Variants in SLC25A42 observed in about 807,000 individuals in gnomAD.
SLC25A42 encodes the protein mitochondrial coenzyme A transporter SLC25A42.
SLC25A42 carries 19 observed loss-of-function variants against 34.7 expected under a neutral mutation model. The ratio of observed to expected loss-of-function variants is 0.55; its 90% confidence interval spans 0.38 to 0.80. The LOEUF is 0.80. SLC25A42 is among the 30% of genes least tolerant of loss of function. The pLI is 0.00. For synonymous variants in SLC25A42, 205 were observed against 191.2 expected (o/e 1.07, Z -0.59); for missense variants, 364 against 441.3 (o/e 0.82, Z 1.57).
chr19:19,106,444 C>T, intron 6 of SLC25A42, 59 bp downstream of exon 6: 1 of 1,422,810 alleles, frequency 7.0e-7, no homozygotes, highest in African/African-American at 1.4e-5. Flanking sequence ...TCGGGGGCTC[C>T]CAGGTCGGAA....
chr19:19,106,505 C>A, intron 6 of SLC25A42, 120 bp downstream of exon 6: 1 of 705,586 alleles, frequency 1.4e-6, no homozygotes, highest in Non-Finnish European at 2.3e-6. Context: ...TCCGTGTCCA[C>A]AGGGCAGGCC....
chr19:19,099,564 G>A (rs755406373), intron 2 of SLC25A42, among the ~76,000 whole-genome samples: 1 of 151,920 alleles, frequency 6.6e-6, no homozygotes, highest in Non-Finnish European at 1.5e-5. Context: ...CCTTTACCCC[G>A]AGCCACACAC....
rs371691451 is a variant in SLC25A42 at position 19,101,770 on chromosome 19, T to C, written c.82-11T>C. 52 of 1,608,394 alleles carry C rather than the reference T, an allele frequency of 3.2e-5. No homozygotes were observed. Among genetic ancestry groups the C allele is most frequent in the Non-Finnish European group, 4.2e-5 (50 of 1,177,642 alleles). ...CTGCCCTCTGACCTCTGATCACATG[T>C]TCTGTTGCAGCGTGACCACAGGCAA... On this transcript the variant is annotated splice_polypyrimidine_tract_variant and intron_variant, in intron 2 of 7. Coordinates refer to ENST00000318596, the MANE Select transcript of SLC25A42 (RefSeq NM_178526.5).
At chr19:19,065,508 T>C (rs1159465773) in intron 1 of SLC25A42, among the ~76,000 whole-genome samples, 1 of 152,200 alleles carries the variant, frequency 6.6e-6, no homozygotes, top group Non-Finnish European at 1.5e-5. Context: ...AGTGGCTTTG[T>C]TGTTGAAAAG....
chr19:19,086,675 C>T (rs1411185549), intron 1 of SLC25A42, among the ~76,000 whole-genome samples: 1 of 151,992 alleles, frequency 6.6e-6, no homozygotes, highest in Non-Finnish European at 1.5e-5. Flanking sequence ...TAGTCTTGCT[C>T]TCTCACCCAG....
intron 1 of SLC25A42, among the ~76,000 whole-genome samples, chr19:19,069,943 A>T (rs190237114): frequency 6.6e-6 from 1 of 151,754 alleles, no homozygotes; most frequent in African/African-American, 2.4e-5. Context: ...CTCCTGCCTC[A>T]GCCTCCCGAG....
intron 3 of SLC25A42, among the ~76,000 whole-genome samples, chr19:19,103,917 T>TTTA (rs2059811992): frequency 1.1e-5 from 1 of 92,016 alleles, no homozygotes; most frequent in African/African-American, 3.6e-5. Flanking sequence ...TATTTATTTA[T>TTTA]TTATTTAGAG....
chr19:19,088,255 G>T (rs1190244172), intron 1 of SLC25A42, among the ~76,000 whole-genome samples: 2 of 148,340 alleles, frequency 1.3e-5, no homozygotes, highest in Admixed American at 1.4e-4. Context: ...ACCCAGGCTG[G>T]AGCGTAGTGG....
At chr19:19,106,440 G>A in intron 6 of SLC25A42, 55 bp downstream of exon 6, 1 of 1,453,558 alleles carries the variant, frequency 6.9e-7, no homozygotes, top group South Asian at 1.2e-5. Context: ...TGTCTCGGGG[G>A]CTCCCAGGTC....
intron 4 of SLC25A42, 43 bp from the exon 5 acceptor site, chr19:19,105,518 C>CAGGCAG: frequency 1.3e-6 from 2 of 1,586,830 alleles, no homozygotes; most frequent in East Asian, 2.3e-5. Flanking sequence ...GCAGGGAGGG[C>CAGGCAG]AGGCAGAGGC....
chr19:19,064,503 G>A (rs1008872611), intron 1 of SLC25A42, among the ~76,000 whole-genome samples: 1 of 128,348 alleles, frequency 7.8e-6, no homozygotes, highest in African/African-American at 3.0e-5. Flanking sequence ...CCTTGTCGAT[G>A]ACACCCCCAC....
intron 1 of SLC25A42, among the ~76,000 whole-genome samples, chr19:19,071,036 T>C (rs531977863): frequency 5.9e-5 from 9 of 151,414 alleles, no homozygotes; most frequent in African/African-American, 2.2e-4. Flanking sequence ...TTTCTCACTT[T>C]GTTGCTGAGG....
In SLC25A42 at chr19:19,065,398, T is replaced by TAACCTGCA. The variant is rs557172451; in HGVS notation, c.-35+1286_-35+1293dup. ...AACTAATGTTTCAGCTGTTTAAAGC[T>TAACCTGCA]AACCTGCAAAACGAGCCTGGGTGGT... On this transcript the variant is annotated intron_variant, in intron 1 of 7. Transcript: ENST00000318596. Among the ~76,000 whole-genome samples the TAACCTGCA allele has an allele frequency of 4.2e-4, 64 of 152,334 alleles. 1 individual carries two copies. The South Asian group carries it at 0.013, about 32-fold the overall frequency.
Position 19,087,476 on chromosome 19 carries a change from C to T in SLC25A42, c.-34-8615C>T, listed in dbSNP as rs531150063. Among the ~76,000 whole-genome samples the T allele has an allele frequency of 9.2e-5, 14 of 152,174 alleles. No individual in the cohort carries two copies. The South Asian group carries it at 2.3e-3, about 25-fold the overall frequency. The stretch of plus-strand genomic sequence containing the variant: ...CTGATTTTTGTATTTTTAGTAGAGA[C>T]GGGGTTTCACCATGTTGGCCAGGCT... On this transcript the variant is annotated intron_variant, in intron 1 of 7. Transcript: ENST00000318596.
Position 19,068,294 on chromosome 19 carries a change from G to T in SLC25A42, c.-35+4179G>T, listed in dbSNP as rs375600760. ...TGCTTGAACCCGGGAGTTGGAGGTT[G>T]CAGTGAGCTGAGATCACACCATCGC... On this transcript the variant is annotated intron_variant, in intron 1 of 7. Coordinates refer to ENST00000318596, the MANE Select transcript of SLC25A42 (RefSeq NM_178526.5). 2.9e-3 allele frequency among the ~76,000 whole-genome samples: 441 copies of T among 151,180 alleles called. 1 individual carries two copies. Among genetic ancestry groups the T allele is most frequent in the Middle Eastern group, 0.01 (3 of 292 alleles).
At chr19:19,084,078 G>T (rs950157623) in intron 1 of SLC25A42, among the ~76,000 whole-genome samples, 1 of 151,178 alleles carries the variant, frequency 6.6e-6, no homozygotes, top group Non-Finnish European at 1.5e-5. Flanking sequence ...ACCCCAGTGT[G>T]CCCCTGCAGG....
intron 1 of SLC25A42, among the ~76,000 whole-genome samples, chr19:19,069,388 A>G (rs892125168): frequency 1.3e-5 from 2 of 152,192 alleles, no homozygotes; most frequent in African/African-American, 4.8e-5. Flanking sequence ...AGATCCCTGC[A>G]TATTCGTTTC....
intron 6 of SLC25A42, 53 bp downstream of exon 6, chr19:19,106,438 G>A (rs746918363): frequency 6.8e-7 from 1 of 1,465,538 alleles, no homozygotes; most frequent in Non-Finnish European, 9.3e-7. Flanking sequence ...TGTGTCTCGG[G>A]GGCTCCCAGG....
rs137935653 is a variant in SLC25A42, at chr19:19,074,239, G to A, written c.-35+10124G>A. On this transcript the variant is annotated intron_variant, in intron 1 of 7. Coordinates refer to ENST00000318596, the MANE Select transcript of SLC25A42 (RefSeq NM_178526.5). ...CGCAACAAGGGTTGCCTTAACCAAA[G>A]ATTGTCTGAAAGGCACACAGGAGCA... Among the ~76,000 whole-genome samples the A allele has an allele frequency of 7.5e-3, 1,138 of 152,310 alleles. 9 individuals carry two copies. Among genetic ancestry groups the A allele is most frequent in the Middle Eastern group, 0.017 (5 of 294 alleles).
Sources: allele counts gnomAD v4.1 joint callset (sites outside exome capture counted in the v4.1 genomes callset), GRCh38; gene constraint gnomAD v4.1.1; transcripts MANE v1.5; gene names NCBI Gene and HGNC (gene_info 2026-07-23, HGNC 2026-07-21).